The following CCDC91 variants were observed in gnomAD, a reference collection of about 807,000 sequenced individuals.
CCDC91 encodes the protein coiled-coil domain containing 91.
In CCDC91, 48 loss-of-function variants were observed where a neutral mutation model predicts 63.2. That is an observed-to-expected ratio of 0.76 (90% CI 0.60 to 0.97). The LOEUF is 0.97. Ranked by LOEUF, CCDC91 falls within the 50% of genes least tolerant of loss-of-function variation. CCDC91 has a pLI of 0.00. For missense variants in CCDC91, 500 were observed against 494.6 expected (o/e 1.01, Z -0.10); for synonymous variants, 167 against 165.8 (o/e 1.01, Z -0.06).
intron 3 of CCDC91, among the ~76,000 whole-genome samples, chr12:28,261,311 A>G (rs1369140314): frequency 6.6e-6 from 1 of 152,018 alleles, no homozygotes; most frequent in Non-Finnish European, 1.5e-5. Flanking sequence ...ATTGATAATG[A>G]CACTTAAAGT....
At chr12:28,316,971 T>A (rs1343955182) in intron 6 of CCDC91, among the ~76,000 whole-genome samples, 7 of 151,934 alleles carry the variant, frequency 4.6e-5, no homozygotes, top group African/African-American at 1.7e-4. Flanking sequence ...TGAAGACTGC[T>A]TGTACTTACC....
intron 3 of CCDC91, among the ~76,000 whole-genome samples, chr12:28,272,436 A>C (rs1170563660): frequency 2.0e-5 from 3 of 150,698 alleles, no homozygotes; most frequent in Non-Finnish European, 3.0e-5. Flanking sequence ...TTTTTGAAAA[A>C]AAATTAAAAA....
At chr12:28,240,962 C>G (rs1184777266) in intron 1 of CCDC91, among the ~76,000 whole-genome samples, 1 of 152,138 alleles carries the variant, frequency 6.6e-6, no homozygotes, top group Non-Finnish European at 1.5e-5. Flanking sequence ...CCCAAGTGAT[C>G]ATACTGTTTT....
rs34812000 is a variant in CCDC91, at chr12:28,254,772, C to CTT, written c.-14-2413_-14-2412dup. Among the ~76,000 whole-genome samples, 675 of 128,790 alleles carry CTT rather than the reference C, an allele frequency of 5.2e-3. 8 individuals carry two copies. Among genetic ancestry groups the CTT allele is most frequent in the Non-Finnish European group, 6.8e-3 (421 of 61,554 alleles). 84.5% of individuals were successfully genotyped at this position (128,790 alleles called of 152,430 possible). A position where few individuals can be genotyped will look rare whatever the true frequency, so the allele number is the denominator to read the frequency against. Reference sequence around the variant, plus strand: ...AAAATAAAAGGAAGAGTATCATCTGCTTTTTTTTTTTTTTTTTTGATGGAG... The same window carrying CTT: ...AAAATAAAAGGAAGAGTATCATCTGCTTTTTTTTTTTTTTTTTTTTGATGGAG... On this transcript the variant is annotated intron_variant, in intron 1 of 12. Transcript: ENST00000536442.
intron 8 of CCDC91, among the ~76,000 whole-genome samples, chr12:28,434,193 G>A (rs958527497): frequency 6.6e-6 from 1 of 151,456 alleles, no homozygotes; most frequent in Admixed American, 6.6e-5. Flanking sequence ...CCTTGTTATT[G>A]GTCTTAACAG....
At chr12:28,385,747 AGGC>A (rs1156615044) in intron 7 of CCDC91, among the ~76,000 whole-genome samples, 1 of 152,172 alleles carries the variant, frequency 6.6e-6, no homozygotes, top group Non-Finnish European at 1.5e-5. Flanking sequence ...TAATTTGATG[AGGC>A]TGGAATCAGA....
At chr12:28,376,333 A>T (rs1273465118) in intron 7 of CCDC91, among the ~76,000 whole-genome samples, 1 of 151,704 alleles carries the variant, frequency 6.6e-6, no homozygotes, top group African/African-American at 2.4e-5. Flanking sequence ...ATTACTGAGA[A>T]TTTTTTTCCA....
At chr12:28,392,040 T>G (rs1054107512) in intron 8 of CCDC91, among the ~76,000 whole-genome samples, 1 of 143,594 alleles carries the variant, frequency 7.0e-6, no homozygotes, top group Non-Finnish European at 1.6e-5. Context: ...GAAAATTTAC[T>G]GAGAATTAAG....
intron 8 of CCDC91, among the ~76,000 whole-genome samples, chr12:28,447,362 G>A (rs1324366805): frequency 1.3e-5 from 2 of 151,730 alleles, no homozygotes; most frequent in Non-Finnish European, 2.9e-5. Flanking sequence ...TCTCCAGAAG[G>A]ATGTTTGCCT....
chr12:28,301,668 T>A (rs1455611826), intron 3 of CCDC91, among the ~76,000 whole-genome samples: 4 of 151,740 alleles, frequency 2.6e-5, no homozygotes, highest in Admixed American at 6.6e-5. Flanking sequence ...TTGGTAGAAA[T>A]CCTCTTGAAA....
intron 12 of CCDC91, among the ~76,000 whole-genome samples, chr12:28,502,271 A>G (rs1938015453): frequency 6.6e-6 from 1 of 151,978 alleles, no homozygotes; most frequent in Admixed American, 6.6e-5. Context: ...AATCACAAGC[A>G]TTCTTATACA....
At chr12:28,433,719 C>G (rs1948750919) in intron 8 of CCDC91, among the ~76,000 whole-genome samples, 1 of 151,844 alleles carries the variant, frequency 6.6e-6, no homozygotes, top group Non-Finnish European at 1.5e-5. Flanking sequence ...TCTTTAGAAT[C>G]AGTTTGTTGA....
In CCDC91 at chr12:28,280,999, T is replaced by TAAAATAAAAAAAAAG. The variant is rs1565726337; in HGVS notation, c.109+21558_109+21559insAAATAAAAAAAAAGA. Among the ~76,000 whole-genome samples, 197 of 152,208 alleles carry TAAAATAAAAAAAAAG rather than the reference T, an allele frequency of 1.3e-3. 2 individuals are homozygous for TAAAATAAAAAAAAAG. The South Asian group carries it at 0.039, about 30-fold the overall frequency. On this transcript the variant is annotated intron_variant, in intron 3 of 12. Coordinates refer to ENST00000536442, the MANE Select transcript of CCDC91 (RefSeq NM_018318.5). ...CTAAAAAAATAAATAAATAAAAAGATATCCTATGCAATATGGCTTTCTGTT... is the reference window on the plus strand; with the variant it reads ...CTAAAAAAATAAATAAATAAAAAGATAAAATAAAAAAAAAGATCCTATGCAATATGGCTTTCTGTT...
At chr12:28,227,944 A>G (rs1292403746) in intron 1 of CCDC91, among the ~76,000 whole-genome samples, 1 of 152,110 alleles carries the variant, frequency 6.6e-6, no homozygotes, top group African/African-American at 2.4e-5. Context: ...AAATTTTCTA[A>G]GGATTAAAAG....
chr12:28,549,088 G>C lies in CCDC91; in HGVS notation c.1241G>C (p.Ser414Thr), dbSNP rs778976380. 1 of 1,611,984 alleles carries C rather than the reference G, an allele frequency of 6.2e-7. No homozygotes were observed. Among genetic ancestry groups the C allele is most frequent in the Non-Finnish European group, 8.5e-7 (1 of 1,178,706 alleles). The change falls in exon 13 of 13, where the codon AGC becomes ACC. Residue 414 changes from serine (S) to threonine (T), a missense_variant. Coordinates refer to ENST00000536442, the MANE Select transcript of CCDC91 (RefSeq NM_018318.5). ...CTCGATCAAGTCATCCGCCAAAGAA[G>C]CCTGTCCAGTTTGGAACTGTTCCTC... is the stretch of plus-strand genomic sequence containing the variant. ...KRLDQVIRQR[S>T]LSSLELFLSC...
At chr12:28,464,198 T>C (rs181713843) in intron 11 of CCDC91, among the ~76,000 whole-genome samples, 1 of 152,246 alleles carries the variant, frequency 6.6e-6, no homozygotes, top group East Asian at 1.9e-4. Context: ...GGAACTTGAG[T>C]TCCCCCAAGC....
intron 3 of CCDC91, among the ~76,000 whole-genome samples, chr12:28,284,939 ACT>A (rs1045477829): frequency 6.6e-6 from 1 of 152,164 alleles, no homozygotes; most frequent in African/African-American, 2.4e-5. Context: ...GTGAAACATA[ACT>A]CTCTTTGTAT....
chr12:28,307,387 A>G (rs1360449695), intron 5 of CCDC91, among the ~76,000 whole-genome samples: 1 of 151,920 alleles, frequency 6.6e-6, no homozygotes, highest in South Asian at 2.1e-4. Context: ...TAGAAAGTGT[A>G]TGTAGAGGTA....
chr12:28,268,012 A>T (rs1473876079), intron 3 of CCDC91, among the ~76,000 whole-genome samples: 1 of 128,652 alleles, frequency 7.8e-6, no homozygotes, highest in Non-Finnish European at 1.6e-5. Context: ...TAATTATATG[A>T]TTAATAATTT....
Sources: gnomAD v4.1 joint callset for allele counts (sites outside exome capture counted in the v4.1 genomes callset) on GRCh38, gnomAD v4.1.1 for gene constraint, MANE v1.5 for transcripts, NCBI Gene and HGNC (gene_info 2026-07-23, HGNC 2026-07-21) for gene names.